The following GPR137C variants were observed in gnomAD, a reference collection of about 807,000 sequenced individuals.
GPR137C encodes integral membrane protein GPR137C.
Under a neutral mutation model 43.4 loss-of-function variants are expected in GPR137C, and 27 were observed. The observed-to-expected ratio is 0.62, with a 90% confidence interval of 0.46 to 0.86. GPR137C has a LOEUF of 0.86. GPR137C is among the 40% of genes least tolerant of loss of function. The pLI, the probability that GPR137C is intolerant of heterozygous loss-of-function variation, is 0.00. For missense variants in GPR137C, 522 were observed against 534.6 expected, an observed-to-expected ratio of 0.98 and a Z score of 0.23; for synonymous variants, 285 against 226.9, an observed-to-expected ratio of 1.26 and a Z score of -2.30.
chr14:52,616,679 A>C (rs2039103624), intron 3 of GPR137C, among the ~76,000 whole-genome samples: 3 of 152,190 alleles, frequency 2.0e-5, no homozygotes, highest in Non-Finnish European at 1.5e-5. Flanking sequence ...CTACTAAATA[A>C]TATAGAATTT....
rs759799292 is a variant in GPR137C at position 52,553,264 on chromosome 14, C to G, written c.117C>G (p.Ala39=). The change falls in exon 1 of 7, where the codon GCC becomes GCG. Residue 39 remains alanine (A), a synonymous_variant. Coordinates refer to ENST00000321662, the MANE Select transcript of GPR137C (RefSeq NM_001099652.2). ...GCGCCGTCGCTGCAGCCTCAGGCGC[C>G]GCGGTGCCGGGCTCCGTGCAGTTGG... ...GGGAVAAASG[A]AVPGSVQLAL... is the part of the protein sequence containing the mutation. 2 of 1,402,104 alleles carry G rather than the reference C, an allele frequency of 1.4e-6. No homozygotes were observed. The highest frequency in any genetic ancestry group is 3.1e-5 in the East Asian group (1 of 32,692). 86.9% of individuals were successfully genotyped at this position (1,402,104 alleles called of 1,614,324 possible).
chr14:52,629,586 A>G (rs2039270855), intron 3 of GPR137C, among the ~76,000 whole-genome samples: 1 of 152,194 alleles, frequency 6.6e-6, no homozygotes, highest in African/African-American at 2.4e-5. Context: ...AATGAAACAT[A>G]CAAGAGTTCA....
At chr14:52,558,498 A>C (rs2038229401) in intron 1 of GPR137C, among the ~76,000 whole-genome samples, 1 of 152,156 alleles carries the variant, frequency 6.6e-6, no homozygotes, top group Admixed American at 6.5e-5. Flanking sequence ...GTTTCAGGAG[A>C]TCTAACTTGA....
At chr14:52,615,110 C>G (rs182109029) in intron 3 of GPR137C, among the ~76,000 whole-genome samples, 4 of 152,260 alleles carry the variant, frequency 2.6e-5, no homozygotes, top group Admixed American at 2.6e-4. Context: ...GTGTTTAATT[C>G]GTTTTGATTT....
At chr14:52,565,439 C>G (rs1401427077) in intron 1 of GPR137C, among the ~76,000 whole-genome samples, 1 of 152,116 alleles carries the variant, frequency 6.6e-6, no homozygotes, top group African/African-American at 2.4e-5. Flanking sequence ...TTACGGTGTT[C>G]TAAGTCTGAC....
In GPR137C at chr14:52,552,958, G is replaced by A. The variant is rs1474323388; in HGVS notation, c.-190G>A. On this transcript the variant is annotated 5_prime_UTR_variant, in exon 1 of 7. Transcript: ENST00000321662. ...GAGCCGAGACCCCCGGGGGGTGGGG[G>A]GAAAGAGGAGGCGGGGTCCGGGGGA... Among the ~76,000 whole-genome samples, 1 of 151,400 alleles carries A rather than the reference G, an allele frequency of 6.6e-6. No homozygotes were observed. Among genetic ancestry groups the A allele is most frequent in the Non-Finnish European group, 1.5e-5 (1 of 67,758 alleles).
chr14:52,576,277 C>A (rs1266551713), intron 1 of GPR137C, among the ~76,000 whole-genome samples: 1 of 152,214 alleles, frequency 6.6e-6, no homozygotes, highest in Non-Finnish European at 1.5e-5. Flanking sequence ...CAAATTCCAT[C>A]AATGTTGTTG....
chr14:52,626,281 A>T (rs1174978998), intron 3 of GPR137C, among the ~76,000 whole-genome samples: 2 of 152,180 alleles, frequency 1.3e-5, no homozygotes, highest in Non-Finnish European at 2.9e-5. Context: ...ATACTTAGAG[A>T]TAAAATCTAA....
At chr14:52,599,434 C>CTTTTTTTTTTTT (rs376009711) in intron 2 of GPR137C, among the ~76,000 whole-genome samples, 1 of 139,728 alleles carries the variant, frequency 7.2e-6, no homozygotes, top group Non-Finnish European at 1.5e-5. Flanking sequence ...TTTTTTTTTC[C>CTTTTTTTTTTTT]TTTTTTTTTT....
At chr14:52,625,937 G>C (rs1174354077) in intron 3 of GPR137C, among the ~76,000 whole-genome samples, 1 of 152,086 alleles carries the variant, frequency 6.6e-6, no homozygotes, top group Non-Finnish European at 1.5e-5. Flanking sequence ...GCAGCCCTCT[G>C]TATTCACAGG....
Position 52,567,652 on chromosome 14 carries a change from T to G in GPR137C, c.444+14061T>G, listed in dbSNP as rs543567552. 3.1e-4 allele frequency among the ~76,000 whole-genome samples: 46 copies of G among 148,924 alleles called. No individual in the cohort carries two copies. The East Asian group carries it at 8.5e-3, about 27-fold the overall frequency. ...CACTGCTTACATTCAGATTGTTCTT[T>G]TTTTTTTTGGTTTTTTTTTTTTTTT... is the stretch of plus-strand genomic sequence containing the variant. On this transcript the variant is annotated intron_variant, in intron 1 of 6. Transcript: ENST00000321662.
intron 3 of GPR137C, among the ~76,000 whole-genome samples, chr14:52,601,474 T>G (rs1050956183): frequency 7.0e-6 from 1 of 143,282 alleles, no homozygotes; most frequent in Non-Finnish European, 1.5e-5. Flanking sequence ...CTGGGGGAGA[T>G]ATTATGTGTG....
At chr14:52,571,652 G>A (rs995443881) in intron 1 of GPR137C, among the ~76,000 whole-genome samples, 4 of 152,014 alleles carry the variant, frequency 2.6e-5, no homozygotes, top group Non-Finnish European at 5.9e-5. Context: ...CCAGGGGGCC[G>A]TGTGAGACTC....
intron 1 of GPR137C, among the ~76,000 whole-genome samples, chr14:52,593,810 T>A (rs1259019688): frequency 6.6e-6 from 1 of 152,100 alleles, no homozygotes; most frequent in Non-Finnish European, 1.5e-5. Context: ...TTTTGAAGAG[T>A]TTTTCATGTC....
At chr14:52,620,659 A>G (rs2039150188) in intron 3 of GPR137C, among the ~76,000 whole-genome samples, 1 of 151,990 alleles carries the variant, frequency 6.6e-6, no homozygotes, top group African/African-American at 2.4e-5. Flanking sequence ...AAGCATTTAT[A>G]ATATGCTCAA....
At chr14:52,616,939 A>C (rs190851634) in intron 3 of GPR137C, among the ~76,000 whole-genome samples, 1 of 152,328 alleles carries the variant, frequency 6.6e-6, no homozygotes, top group East Asian at 1.9e-4. Context: ...ATTTCTTGTA[A>C]GGAAAGTTTA....
rs200338159 is a variant in GPR137C at position 52,633,587 on chromosome 14, C to T, written c.925C>T (p.Leu309=). The T allele has an allele frequency of 8.7e-4, 1,404 of 1,612,600 alleles. 1 individual carries two copies. Among genetic ancestry groups the T allele is most frequent in the Non-Finnish European group, 1.1e-3 (1,310 of 1,178,978 alleles). Residue 309 remains leucine, a synonymous_variant, in exon 5 of 7, where the codon CTG becomes TTG. Coordinates refer to ENST00000321662, the MANE Select transcript of GPR137C (RefSeq NM_001099652.2). The part of the protein sequence containing the change: ...EYIVFGMVLF[L]WEHVPAWSVV... ...TATAGTATTTGGAATGGTCCTCTTT[C>T]TGTGGGAACATGTGCCAGCATGGTC...
At chr14:52,606,752 T>C (rs2038988045) in intron 3 of GPR137C, among the ~76,000 whole-genome samples, 1 of 152,216 alleles carries the variant, frequency 6.6e-6, no homozygotes, top group South Asian at 2.1e-4. Flanking sequence ...ACTTTTTGTT[T>C]TGTTCCTCTT....
intron 2 of GPR137C, among the ~76,000 whole-genome samples, chr14:52,599,852 T>C (rs2038902695): frequency 6.6e-6 from 1 of 152,260 alleles, no homozygotes; most frequent in East Asian, 1.9e-4. Flanking sequence ...GAAAGGTTAA[T>C]GTAAATATGC....
Sources: allele counts gnomAD v4.1 joint callset (sites outside exome capture counted in the v4.1 genomes callset), GRCh38; gene constraint gnomAD v4.1.1; transcripts MANE v1.5; gene names NCBI Gene and HGNC (gene_info 2026-07-23, HGNC 2026-07-21).